The following NIN variants were observed in gnomAD, a reference collection of about 807,000 sequenced individuals.
NIN encodes glycogen synthase kinase 3 beta-interacting protein.
NIN carries 137 observed loss-of-function variants against 257.6 expected under a neutral mutation model. The ratio of observed to expected loss-of-function variants is 0.53; its 90% CI spans 0.46 to 0.61. The LOEUF is 0.61. Among genes scored for constraint, NIN ranks in the 20% least tolerant of loss-of-function variants. The pLI is 0.00. For missense variants in NIN, 2,439 were observed against 2,501.2 expected, an observed-to-expected ratio of 0.98 and a Z score of 0.53; for synonymous variants, 918 against 919.8, an observed-to-expected ratio of 1.00 and a Z score of 0.04.
chr14:50,742,053 T>C (rs1050426543), intron 24 of NIN: 1 of 230,468 alleles, frequency 4.3e-6, no homozygotes, highest in African/African-American at 2.2e-5. Context: ...TTGTAGAAAT[T>C]GTTTTAGCCT....
At chr14:50,806,907 C>T (rs2044354749) in intron 3 of NIN, 89 bp from the exon 4 acceptor site, 1 of 606,150 alleles carries the variant, frequency 1.6e-6, no homozygotes, top group Admixed American at 3.2e-5. Context: ...GTTTTCTTCC[C>T]ATCCTGACAG....
intron 2 of NIN, among the ~76,000 whole-genome samples, chr14:50,825,466 T>A (rs903827702): frequency 1.3e-5 from 2 of 152,176 alleles, no homozygotes; most frequent in African/African-American, 4.8e-5. Flanking sequence ...TTACTATGAG[T>A]CTGGCCTAAA....
chr14:50,727,327 T>C (rs2040458130), intron 29 of NIN: 3 of 990,894 alleles, frequency 3.0e-6, no homozygotes, highest in South Asian at 9.3e-5. Context: ...CCTGGTTTTC[T>C]TCAAATTCCA....
rs1199187036 is a variant in NIN at position 50,732,603 on chromosome 14, AG to A, written c.5878-2881del. ...TGGTTAAAATGGCAAATTCTATGTTAGGTATATATTTATCACAGGTTAAAAA... is the reference window on the plus strand; with the variant it reads ...TGGTTAAAATGGCAAATTCTATGTTAGTATATATTTATCACAGGTTAAAAA... On this transcript the variant is annotated intron_variant, in intron 28 of 30. Transcript: ENST00000530997. Among the ~76,000 whole-genome samples, 5 of 152,260 alleles carry A rather than the reference AG, an allele frequency of 3.3e-5. No homozygotes were observed. In the South Asian group the frequency reaches 6.2e-4, roughly 19 times the overall value.
intron 26 of NIN, 115 bp downstream of exon 26, chr14:50,739,193 T>C (rs1186364739): frequency 2.4e-6 from 2 of 847,672 alleles, no homozygotes; most frequent in Non-Finnish European, 3.7e-6. Flanking sequence ...AAGTCTGCTA[T>C]AGCAGGATAC....
intron 15 of NIN, among the ~76,000 whole-genome samples, chr14:50,762,760 G>T (rs975144206): frequency 2.0e-5 from 3 of 152,228 alleles, no homozygotes; most frequent in Non-Finnish European, 4.4e-5. Context: ...AGCTTTGCAT[G>T]TGGGGATACA....
intron 27 of NIN, among the ~76,000 whole-genome samples, 178 bp from the exon 28 acceptor site, chr14:50,735,795 T>C (rs1433617716): frequency 6.6e-6 from 1 of 152,180 alleles, no homozygotes; most frequent in Non-Finnish European, 1.5e-5. Flanking sequence ...AGTAATCTAG[T>C]TTTAATCACC....
chr14:50,739,507 G>T lies in NIN; in HGVS notation c.5449-20C>A. On this transcript the variant is annotated intron_variant, in intron 25 of 30. Coordinates refer to ENST00000530997, the MANE Select transcript of NIN (RefSeq NM_020921.4). ...CCAGCTCTTAAGAGAATTGCAGAGT[G>T]TAAGCCTTAAAAACAAGCTATTGGG... 1 of 1,608,694 alleles carries T rather than the reference G, an allele frequency of 6.2e-7. No homozygotes were observed. Among genetic ancestry groups the T allele is most frequent in the Non-Finnish European group, 8.5e-7 (1 of 1,177,656 alleles).
intron 4 of NIN, among the ~76,000 whole-genome samples, chr14:50,798,701 T>C (rs140351434): frequency 5.0e-4 from 76 of 152,360 alleles, no homozygotes; most frequent in African/African-American, 1.8e-3. Context: ...ACTCATTTCT[T>C]TCAAGTAATT....
rs1174991707 is a variant in NIN at position 50,818,264 on chromosome 14, A to C, written c.183+3610T>G. Among the ~76,000 whole-genome samples, 15 of 145,452 alleles carry C rather than the reference A, an allele frequency of 1.0e-4. No individual in the cohort carries two copies. The South Asian group carries it at 2.0e-3, about 20-fold the overall frequency. ...CGTGAACCCGGGAGGCGGAGCTTGCAGTGAGCCGAGATTATGCCACTACAC... is the reference window on the plus strand; with the variant it reads ...CGTGAACCCGGGAGGCGGAGCTTGCCGTGAGCCGAGATTATGCCACTACAC... On this transcript the variant is annotated intron_variant, in intron 3 of 30. Transcript: ENST00000530997.
chr14:50,810,447 T>C lies in NIN; in HGVS notation c.184-3629A>G, dbSNP rs112968274. Reference sequence around the variant, plus strand: ...TAGCGTGCACCTGTCATCCCAGCTATTTGGGAGGCTGAAATAAGAGAACTG... The same window carrying C: ...TAGCGTGCACCTGTCATCCCAGCTACTTGGGAGGCTGAAATAAGAGAACTG... On this transcript the variant is annotated intron_variant, in intron 3 of 30. Transcript: ENST00000530997. Among the ~76,000 whole-genome samples, 587 of 152,062 alleles carry C rather than the reference T, an allele frequency of 3.9e-3. 5 individuals are homozygous for C. The highest frequency in any genetic ancestry group is 0.013 in the African/African-American group (550 of 41,488).
intron 25 of NIN, among the ~76,000 whole-genome samples, chr14:50,740,215 C>G (rs867441322): frequency 3.8e-4 from 58 of 150,654 alleles, no homozygotes; most frequent in Middle Eastern, 3.4e-3. Flanking sequence ...GAGACAGACT[C>G]TCACTCTGTC....
chr14:50,795,865 G>A (rs2043815589), intron 4 of NIN, among the ~76,000 whole-genome samples: 1 of 152,184 alleles, frequency 6.6e-6, no homozygotes, highest in Non-Finnish European at 1.5e-5. Context: ...TGTAGTCCCA[G>A]AAACTTGGGA....
chr14:50,727,521 A>C (rs1055860304), intron 29 of NIN: 11 of 1,218,562 alleles, frequency 9.0e-6, no homozygotes, highest in African/African-American at 1.5e-5. Flanking sequence ...TAAATAAATA[A>C]GAGACATAAT....
rs1378050361 is a variant in NIN, at chr14:50,722,814, G to T, written c.*649C>A. 1 of 210,290 alleles carries T rather than the reference G, an allele frequency of 4.8e-6. No homozygotes were observed. The highest frequency in any genetic ancestry group is 9.7e-6 in the Non-Finnish European group (1 of 103,340). 13.0% of individuals were successfully genotyped at this position (210,290 alleles called of 1,614,324 possible). ...TAAAGCAAGTAAGCTTTTAACATTA[G>T]TTAAGAGTGCAATTGAGTAAATCAG... On this transcript the variant is annotated 3_prime_UTR_variant, in exon 31 of 31. Coordinates refer to ENST00000530997, the MANE Select transcript of NIN (RefSeq NM_020921.4).
Position 50,720,364 on chromosome 14 carries a change from C to G in NIN, c.*3099G>C, listed in dbSNP as rs971406345. On this transcript the variant is annotated 3_prime_UTR_variant, in exon 31 of 31. Transcript: ENST00000530997. ...GCAACAATTTCTCCTTTCCTTCACT[C>G]AGCAAAAGAAATCACATAAATCACA... 1 of 217,610 alleles carries G rather than the reference C, an allele frequency of 4.6e-6. No homozygotes were observed. Among genetic ancestry groups the G allele is most frequent in the African/African-American group, 2.2e-5 (1 of 44,482 alleles). The allele number at this position is 217,610 out of a possible 1,614,324, so 13.5% of individuals were successfully genotyped here.
rs558528550 is a variant in NIN at position 50,720,546 on chromosome 14, T to C, written c.*2917A>G. The C allele has an allele frequency of 4.8e-6, 1 of 208,830 alleles. No homozygotes were observed. The highest frequency in any genetic ancestry group is 9.8e-6 in the Non-Finnish European group (1 of 102,120). The allele number at this position is 208,830 out of a possible 1,614,324, so 12.9% of individuals were successfully genotyped here. On this transcript the variant is annotated 3_prime_UTR_variant, in exon 31 of 31. Coordinates refer to ENST00000530997, the MANE Select transcript of NIN (RefSeq NM_020921.4). The stretch of plus-strand genomic sequence containing the variant: ...TCCTATGCCTTGGAAGCCTATGACT[T>C]CATGATCTATTCATGAAAAATATGC...
chr14:50,812,371 G>A (rs2044672558), intron 3 of NIN, among the ~76,000 whole-genome samples: 2 of 152,146 alleles, frequency 1.3e-5, no homozygotes, highest in African/African-American at 4.8e-5. Context: ...CTCTTGGTCT[G>A]ACCCCTCAGG....
Position 50,735,502 on chromosome 14 carries a change from G to T in NIN, c.5877+14C>A, listed in dbSNP as rs769194389. Reference sequence around the variant, plus strand: ...ATATTCTTCATAGCTAAGGCCATCTGCTGAGAAACTTACCTCCATGAGCTG... The same window carrying T: ...ATATTCTTCATAGCTAAGGCCATCTTCTGAGAAACTTACCTCCATGAGCTG... On this transcript the variant is annotated intron_variant, in intron 28 of 30. Coordinates refer to ENST00000530997, the MANE Select transcript of NIN (RefSeq NM_020921.4). The T allele has an allele frequency of 6.2e-7, 1 of 1,612,130 alleles. No individual in the cohort carries two copies. Among genetic ancestry groups the T allele is most frequent in the African/African-American group, 1.3e-5 (1 of 75,002 alleles).
Sources: gnomAD v4.1 joint callset for allele counts (sites outside exome capture counted in the v4.1 genomes callset) on GRCh38, gnomAD v4.1.1 for gene constraint, MANE v1.5 for transcripts, NCBI Gene and HGNC (gene_info 2026-07-23, HGNC 2026-07-21) for gene names.